Variants in WHRN observed in about 807,000 individuals in gnomAD.
WHRN encodes whirlin, also known as CASK-interacting protein CIP98.
In WHRN, 41 loss-of-function variants were observed where a neutral mutation model predicts 68.3. That is an observed-to-expected ratio of 0.60 (90% CI 0.47 to 0.78). The LOEUF is 0.78. WHRN is among the 30% of genes least tolerant of loss of function. The pLI, the probability that WHRN is intolerant of heterozygous loss-of-function variation, is 0.00. For synonymous variants in WHRN, 560 were observed against 561.3 expected, an observed-to-expected ratio of 1.00 and a Z score of 0.03; for missense variants, 1,243 against 1,244.7, an observed-to-expected ratio of 1.00 and a Z score of 0.02.
At chr9:114,422,384 T>C (rs1836368550) in intron 7 of WHRN, among the ~76,000 whole-genome samples, 1 of 152,230 alleles carries the variant, frequency 6.6e-6, no homozygotes, top group Non-Finnish European at 1.5e-5. Context: ...TGGACCTTAA[T>C]AACCAGTTGT....
At chr9:114,465,442 C>T (rs1238137953) in intron 3 of WHRN, among the ~76,000 whole-genome samples, 1 of 152,180 alleles carries the variant, frequency 6.6e-6, no homozygotes, top group Non-Finnish European at 1.5e-5. Flanking sequence ...TTTACCCATC[C>T]CTCTCTCTCA....
At chr9:114,495,064 A>C (rs1287649685) in intron 1 of WHRN, among the ~76,000 whole-genome samples, 1 of 152,160 alleles carries the variant, frequency 6.6e-6, no homozygotes, top group East Asian at 1.9e-4. Context: ...ACAGGTGGAG[A>C]GAGTGAAAGC....
intron 2 of WHRN, among the ~76,000 whole-genome samples, chr9:114,469,257 T>G (rs1055486064): frequency 1.3e-5 from 2 of 152,224 alleles, no homozygotes; most frequent in Non-Finnish European, 2.9e-5. Context: ...TGGGCTGCTG[T>G]GCAGGCTGGG....
At chr9:114,465,495 A>G (rs1021608951) in intron 3 of WHRN, among the ~76,000 whole-genome samples, 1 of 152,122 alleles carries the variant, frequency 6.6e-6, no homozygotes, top group African/African-American at 2.4e-5. Flanking sequence ...TGCCATGGTC[A>G]CCACTCCACA....
chr9:114,411,301 T>C (rs1040545316), intron 7 of WHRN, among the ~76,000 whole-genome samples: 10 of 152,154 alleles, frequency 6.6e-5, no homozygotes, highest in African/African-American at 2.2e-4. Flanking sequence ...TTGACATGCA[T>C]TCACTTCCTC....
chr9:114,447,572 TG>T (rs1356408663), intron 3 of WHRN, among the ~76,000 whole-genome samples: 2 of 152,212 alleles, frequency 1.3e-5, no homozygotes, highest in African/African-American at 4.8e-5. Context: ...CTCACTAGAC[TG>T]TCAGCAATTT....
chr9:114,422,407 G>A (rs112292799), intron 7 of WHRN, among the ~76,000 whole-genome samples: 3 of 152,310 alleles, frequency 2.0e-5, no homozygotes, highest in African/African-American at 7.2e-5. Context: ...CCCAAGACAG[G>A]TAACAATGCA....
rs545711776 is a variant in WHRN at position 114,406,731 on chromosome 9, G to A, written c.1860C>T (p.Val620=). The change falls in exon 9 of 12, where the codon GTC becomes GTT. Residue 620 remains valine (V), a synonymous_variant. Coordinates refer to ENST00000362057, the MANE Select transcript of WHRN (RefSeq NM_015404.4). Reference sequence around the variant, plus strand: ...GGCTGCGGTTCTGTGGAGCCGAGAAGACAGTGCCCGAGCAGGAAGGCATGG... The same window carrying A: ...GGCTGCGGTTCTGTGGAGCCGAGAAAACAGTGCCCGAGCAGGAAGGCATGG... The part of the protein sequence containing the change: ...PSSMPSCSGT[V]FSAPQNRSPP... The A allele has an allele frequency of 6.2e-7, 1 of 1,614,170 alleles. No homozygotes were observed. The highest frequency in any genetic ancestry group is 2.2e-5 in the East Asian group (1 of 44,882).
chr9:114,476,139 A>T (rs538456169), intron 2 of WHRN, among the ~76,000 whole-genome samples: 2 of 151,800 alleles, frequency 1.3e-5, no homozygotes, highest in South Asian at 4.2e-4. Flanking sequence ...TAATTTTTTT[A>T]AAAATACTTG....
At chr9:114,432,999 T>G (rs1837547801) in intron 3 of WHRN, among the ~76,000 whole-genome samples, 1 of 152,040 alleles carries the variant, frequency 6.6e-6, no homozygotes, top group Non-Finnish European at 1.5e-5. Context: ...ACCACACCCA[T>G]GAAACTCATA....
At chr9:114,478,518 C>T in intron 2 of WHRN, 35 bp downstream of exon 2, 5 of 1,611,018 alleles carry the variant, frequency 3.1e-6, no homozygotes, top group Non-Finnish European at 4.2e-6. Flanking sequence ...AATACGGTGT[C>T]TGAGAGGCTG....
intron 1 of WHRN, among the ~76,000 whole-genome samples, chr9:114,487,288 G>A (rs532224506): frequency 2.3e-4 from 34 of 150,356 alleles, no homozygotes; most frequent in African/African-American, 8.1e-4. Context: ...CCATGGTAAC[G>A]ACTGATATGT....
chr9:114,425,214 C>A (rs1836715671), intron 4 of WHRN, 190 bp from the exon 5 acceptor site: 2 of 715,966 alleles, frequency 2.8e-6, no homozygotes, highest in Non-Finnish European at 5.1e-6. Context: ...CTGGCAGCGT[C>A]CAGCCTCCCA....
At chr9:114,425,618 C>CACAA (rs1429341645) in intron 4 of WHRN, 1 of 250,120 alleles carries the variant, frequency 4.0e-6, no homozygotes, top group African/African-American at 2.3e-5. Context: ...CACACACACA[C>CACAA]ACACACACAC....
At chr9:114,487,281 T>C (rs1013545001) in intron 1 of WHRN, among the ~76,000 whole-genome samples, 2 of 150,668 alleles carry the variant, frequency 1.3e-5, no homozygotes, top group Non-Finnish European at 3.0e-5. Context: ...CCACCACCCA[T>C]GGTAACGACT....
intron 3 of WHRN, among the ~76,000 whole-genome samples, chr9:114,445,319 G>A (rs1838727368): frequency 1.3e-5 from 2 of 152,152 alleles, no homozygotes; most frequent in South Asian, 2.1e-4. Flanking sequence ...TGGGATTACA[G>A]GCGTAAGCCA....
Position 114,483,178 on chromosome 9 carries a change from G to A in WHRN, c.619-4407C>T, listed in dbSNP as rs534499727. On this transcript the variant is annotated intron_variant, in intron 1 of 11. Coordinates refer to ENST00000362057, the MANE Select transcript of WHRN (RefSeq NM_015404.4). ...AGCAAGAAAATCATCATCCTCTACT[G>A]CTTTTTTATATTTCTGGCGAAACTG... is the stretch of plus-strand genomic sequence containing the variant. 5.7e-4 allele frequency among the ~76,000 whole-genome samples: 87 copies of A among 152,244 alleles called. 1 individual carries two copies. The highest frequency in any genetic ancestry group is 2.0e-3 in the African/African-American group (82 of 41,534).
chr9:114,488,320 T>C (rs1842703515), intron 1 of WHRN, among the ~76,000 whole-genome samples: 1 of 152,102 alleles, frequency 6.6e-6, no homozygotes, highest in African/African-American at 2.4e-5. Context: ...TGGGTAGCAT[T>C]AGTAACAGCA....
At chr9:114,500,824 G>C (rs971067792) in intron 1 of WHRN, among the ~76,000 whole-genome samples, 2 of 152,192 alleles carry the variant, frequency 1.3e-5, no homozygotes, top group Non-Finnish European at 2.9e-5. Flanking sequence ...TGGGTCAAGA[G>C]ACAGCAGTCA....
Sources: gnomAD v4.1 joint callset for allele counts (sites outside exome capture counted in the v4.1 genomes callset) on GRCh38, gnomAD v4.1.1 for gene constraint, MANE v1.5 for transcripts, NCBI Gene and HGNC (gene_info 2026-07-23, HGNC 2026-07-21) for gene names.